PCDHGA6: variants seen among roughly 807,000 people sequenced by gnomAD.
PCDHGA6 encodes the protein protocadherin gamma subfamily A, 6.
A neutral mutation model predicts 60.6 loss-of-function variants in PCDHGA6; 41 were observed. That is an observed-to-expected ratio of 0.68 (90% confidence interval 0.53 to 0.88). PCDHGA6 has a LOEUF of 0.88. PCDHGA6 is among the 40% of genes least tolerant of loss of function. The pLI is 0.00. For synonymous variants in PCDHGA6, 594 were observed against 524.4 expected (o/e 1.13, Z -1.81); for missense variants, 1,312 against 1,203.0 (o/e 1.09, Z -1.34).
intron 1 of PCDHGA6, chr5:141,418,256 T>C: frequency 1.2e-6 from 2 of 1,614,046 alleles, no homozygotes; most frequent in Non-Finnish European, 1.7e-6. Context: ...CGCCCCTCAA[T>C]TCCGGAAAGA....
Position 141,423,758 on chromosome 5 carries a change from GGGT to G in PCDHGA6, c.2424+47254_2424+47256del, listed in dbSNP as rs776356896. The G allele has an allele frequency of 7.0e-4, 256 of 366,834 alleles. 2 individuals are homozygous for G. The highest frequency in any genetic ancestry group is 6.8e-3 in the African/African-American group (232 of 34,230). The allele number at this position is 366,834 out of a possible 1,614,324, so 22.7% of individuals were successfully genotyped here. A position where few individuals can be genotyped will look rare whatever the true frequency, so the allele number is the denominator to read the frequency against. ...CTGTTATGAAAACTGTTTGGGGGGG[GGGT>G]GGGGCGGCATATATTTAGTTCATAT... On this transcript the variant is annotated intron_variant, in intron 1 of 3. Coordinates refer to ENST00000517434, the MANE Select transcript of PCDHGA6 (RefSeq NM_018919.3).
At chr5:141,410,295 T>A (rs1043971768) in intron 1 of PCDHGA6, 1 of 1,613,982 alleles carries the variant, frequency 6.2e-7, no homozygotes, top group Admixed American at 1.7e-5. Flanking sequence ...GCCTTGGCCT[T>A]AATCTCAGTG....
chr5:141,415,249 G>A (rs756443082), intron 1 of PCDHGA6: 1 of 1,614,204 alleles, frequency 6.2e-7, no homozygotes, highest in South Asian at 1.1e-5. Context: ...TGAAACCTCA[G>A]ACCTCACTCT....
At position 141,485,680 on chromosome 5, in the gene PCDHGA6, C is replaced by A. The variant is rs1450674419; in HGVS notation, c.2425-9127C>A. The A allele has an allele frequency of 6.2e-7, 1 of 1,613,966 alleles. No individual in the cohort carries two copies. On this transcript the variant is annotated intron_variant, in intron 1 of 3. Transcript: ENST00000517434. The surrounding 1 kb of genome is among the most constrained non-coding windows in gnomAD (Gnocchi z 5.7). ...ATGTGGGGAGCAATTCGATTAGCAGCTATAGGCTGAGCTCCAATGAACACT... is the reference window on the plus strand; with the variant it reads ...ATGTGGGGAGCAATTCGATTAGCAGATATAGGCTGAGCTCCAATGAACACT...
Position 141,476,715 on chromosome 5 carries a change from G to C in PCDHGA6, c.2425-18092G>C. 6.2e-7 allele frequency: 1 copy of C among 1,614,168 alleles called. No individual in the cohort carries two copies. The highest frequency in any genetic ancestry group is 8.5e-7 in the Non-Finnish European group (1 of 1,180,030). On this transcript the variant is annotated intron_variant, in intron 1 of 3. Transcript: ENST00000517434. The surrounding 1 kb of genome is among the most constrained non-coding windows in gnomAD (Gnocchi z 7.6). ...AAGTACGCGGAGCTGGTGTTGGAGC[G>C]CGCCCTGGACCGAGAACGGGAGCCT...
chr5:141,463,467 G>A (rs200270457), intron 1 of PCDHGA6, among the ~76,000 whole-genome samples: 2,116 of 11,250 alleles, frequency 0.19, 39 homozygotes, highest in East Asian at 0.24. Context: ...TTTTTTTTTT[G>A]AGATGGAGTC....
At chr5:141,403,153 C>T (rs2094362720) in intron 1 of PCDHGA6, 2 of 1,614,060 alleles carry the variant, frequency 1.2e-6, no homozygotes, top group Non-Finnish European at 1.7e-6. Flanking sequence ...TCCGCATCGT[C>T]TCTAGAGGTA....
intron 1 of PCDHGA6, chr5:141,412,049 T>C (rs2095532088): frequency 1.3e-5 from 2 of 152,256 alleles, no homozygotes; most frequent in Admixed American, 1.3e-4. Flanking sequence ...AGTGAACTTC[T>C]ATACCCTTTG....
intron 1 of PCDHGA6, chr5:141,478,809 C>G: frequency 6.9e-7 from 1 of 1,453,454 alleles, no homozygotes; most frequent in Non-Finnish European, 9.0e-7. Flanking sequence ...CTTTTGCTAT[C>G]ACAACTAACC....
chr5:141,389,916 G>C lies in PCDHGA6; in HGVS notation c.2424+13409G>C, dbSNP rs747654268. 3.1e-6 allele frequency: 5 copies of C among 1,613,904 alleles called. No individual in the cohort carries two copies. In the African/African-American group the frequency reaches 6.7e-5, roughly 22 times the overall value. ...GCTGCCGGATATCACTGACCGCCCC[G>C]ACCCCTCTGACCTCCAGGCTGAGCT... On this transcript the variant is annotated intron_variant, in intron 1 of 3. Transcript: ENST00000517434.
intron 1 of PCDHGA6, chr5:141,385,162 C>T (rs750299709): frequency 6.2e-7 from 1 of 1,614,118 alleles, no homozygotes; most frequent in African/African-American, 1.3e-5. Context: ...GACCTATTCC[C>T]ATGAGGTCTC....
intron 1 of PCDHGA6, chr5:141,418,283 ATCAG>A: frequency 1.9e-6 from 3 of 1,613,996 alleles, no homozygotes; most frequent in Non-Finnish European, 2.5e-6. Context: ...AAACTTAGAA[ATCAG>A]TGAATCCGTC....
chr5:141,428,031 G>A (rs760882803), intron 1 of PCDHGA6: 6 of 1,607,376 alleles, frequency 3.7e-6, no homozygotes, highest in South Asian at 3.3e-5. Context: ...CGCAGAGTCC[G>A]GCTACCTGGT....
Position 141,491,019 on chromosome 5 carries a change from A to G in PCDHGA6, c.2425-3788A>G. 5 of 1,614,116 alleles carry G rather than the reference A, an allele frequency of 3.1e-6. No individual in the cohort carries two copies. The highest frequency in any genetic ancestry group is 4.2e-6 in the Non-Finnish European group (5 of 1,180,026). ...CTGGCTCCTTGGTCACCAAGGTGAC[A>G]GCCGTGGATGCTGATGCAGGCCACA... On this transcript the variant is annotated intron_variant, in intron 1 of 3. Coordinates refer to ENST00000517434, the MANE Select transcript of PCDHGA6 (RefSeq NM_018919.3). This position sits in a 1 kb window ranked among gnomAD's most constrained non-coding sequence, Gnocchi z 6.9.
At chr5:141,403,125 A>G (rs755647554) in intron 1 of PCDHGA6, 2 of 1,614,028 alleles carry the variant, frequency 1.2e-6, no homozygotes. Context: ...GAGCCCCGGG[A>G]GCTGGCGGAG....
chr5:141,395,041 T>C (rs2093154278), intron 1 of PCDHGA6: 1 of 1,613,994 alleles, frequency 6.2e-7, no homozygotes, highest in South Asian at 1.1e-5. Flanking sequence ...TTTGTGGGTG[T>C]TGAGGAGGTA....
chr5:141,393,049 C>T (rs2092663894), intron 1 of PCDHGA6: 4 of 1,613,486 alleles, frequency 2.5e-6, no homozygotes, highest in South Asian at 1.1e-5. Context: ...GCTCTGAACC[C>T]GCGCAGCGGC....
At chr5:141,461,409 A>G (rs572412049) in intron 1 of PCDHGA6, among the ~76,000 whole-genome samples, 1 of 151,928 alleles carries the variant, frequency 6.6e-6, no homozygotes, top group East Asian at 1.9e-4. Flanking sequence ...GCATTTTTTC[A>G]TATGTTTGTG....
chr5:141,409,262 G>C (rs768196825), intron 1 of PCDHGA6: 1 of 1,613,952 alleles, frequency 6.2e-7, no homozygotes, highest in Admixed American at 1.7e-5. Flanking sequence ...TTCTCTCTCT[G>C]ATCAGATTTT....
Sources: allele counts gnomAD v4.1 joint callset (sites outside exome capture counted in the v4.1 genomes callset), GRCh38; gene constraint gnomAD v4.1.1; non-coding constraint Gnocchi (gnomAD v3.1); transcripts MANE v1.5; gene names NCBI Gene and HGNC (gene_info 2026-07-23, HGNC 2026-07-21).